Variants in TNR observed in about 807,000 individuals in gnomAD.
TNR encodes the protein tenascin-R.
In TNR, 45 loss-of-function variants were observed where a neutral mutation model predicts 150.4. The ratio of observed to expected loss-of-function variants is 0.30; its 90% CI spans 0.24 to 0.38. TNR has a LOEUF of 0.38. Ranked by LOEUF, TNR falls within the 10% of genes least tolerant of loss-of-function variation. The pLI is 1.00. For synonymous variants in TNR, 687 were observed against 678.4 expected (o/e 1.01, Z -0.20); for missense variants, 1,544 against 1,759.1 (o/e 0.88, Z 2.19).
In TNR at chr1:175,406,445, C is replaced by T. The variant is rs901093166; in HGVS notation, c.270G>A (p.Glu90=). Residue 90 remains glutamate, a synonymous_variant, in exon 3 of 23, where the codon GAG becomes GAA. Transcript: ENST00000367674. ...CCAGAGTCTCGTCTTCTGCACTCAC[C>T]TCCTGCTCAGCAGAGGCCTCTAGCC... is the stretch of plus-strand genomic sequence containing the variant. ...SSGLEASAEQ[E]VSAEDETLAE... The T allele has an allele frequency of 1.2e-6, 2 of 1,614,182 alleles. No individual in the cohort carries two copies. Among genetic ancestry groups the T allele is most frequent in the Non-Finnish European group, 1.7e-6 (2 of 1,180,038 alleles).
At chr1:175,576,974 C>G (rs1056612438) in intron 1 of TNR, among the ~76,000 whole-genome samples, 6 of 152,284 alleles carry the variant, frequency 3.9e-5, no homozygotes, top group Non-Finnish European at 2.9e-5. Context: ...ATATAAAGAC[C>G]CTGGTAATTA....
At chr1:175,528,199 AT>A (rs1659925396) in intron 2 of TNR, 69 bp downstream of exon 2, 2 of 152,238 alleles carry the variant, frequency 1.3e-5, no homozygotes, top group South Asian at 4.1e-4. Context: ...CCCTGGGAAT[AT>A]GCAGTTACAT....
At chr1:175,481,807 T>C (rs1657820819) in intron 2 of TNR, among the ~76,000 whole-genome samples, 1 of 152,172 alleles carries the variant, frequency 6.6e-6, no homozygotes, top group Non-Finnish European at 1.5e-5. Context: ...AACTTGGGAA[T>C]CTAGATTGAC....
intron 2 of TNR, among the ~76,000 whole-genome samples, chr1:175,452,983 G>C (rs1656393285): frequency 6.6e-6 from 1 of 152,072 alleles, no homozygotes; most frequent in Non-Finnish European, 1.5e-5. Context: ...ACCGTGTAAT[G>C]GATGCAGAGA....
chr1:175,451,127 T>C (rs4652091), intron 2 of TNR, among the ~76,000 whole-genome samples: 37,384 of 151,580 alleles, frequency 0.25, 4,847 homozygotes, highest in East Asian at 0.47. Flanking sequence ...CCTGATAATC[T>C]GGCCCAATTG....
chr1:175,434,116 G>A (rs1033766376), intron 2 of TNR, among the ~76,000 whole-genome samples: 13 of 152,164 alleles, frequency 8.5e-5, no homozygotes, highest in African/African-American at 3.1e-4. Flanking sequence ...TCTGGATGCG[G>A]CCAGATTGCA....
intron 2 of TNR, among the ~76,000 whole-genome samples, chr1:175,519,901 T>C (rs1006318098): frequency 1.3e-5 from 2 of 152,196 alleles, no homozygotes; most frequent in African/African-American, 4.8e-5. Flanking sequence ...GGATAAATCA[T>C]TCAGGGTAGT....
At chr1:175,703,521 G>C (rs1666760101) in intron 1 of TNR, among the ~76,000 whole-genome samples, 1 of 152,082 alleles carries the variant, frequency 6.6e-6, no homozygotes, top group Non-Finnish European at 1.5e-5. Context: ...TTACAGCTAG[G>C]GTAGGGCCTA....
intron 1 of TNR, among the ~76,000 whole-genome samples, chr1:175,648,685 T>C (rs1664872113): frequency 6.6e-6 from 1 of 152,174 alleles, no homozygotes; most frequent in Non-Finnish European, 1.5e-5. Flanking sequence ...AAACTCAGTC[T>C]TCTCCCATAG....
chr1:175,419,522 G>C (rs965276273), intron 2 of TNR, among the ~76,000 whole-genome samples: 1 of 152,032 alleles, frequency 6.6e-6, no homozygotes, highest in African/African-American at 2.4e-5. Context: ...ACTTGTGCAT[G>C]GTGTCCAATT....
chr1:175,326,252 G>A (rs1475840076), intron 21 of TNR, among the ~76,000 whole-genome samples: 3 of 152,150 alleles, frequency 2.0e-5, no homozygotes, highest in African/African-American at 7.2e-5. Flanking sequence ...CTTTTAGCAG[G>A]ATCAGGATTT....
rs906581369 is a variant in TNR, at chr1:175,355,778, A to G, written c.3119-145T>C. ...CCTGCTCTGGCTTGGAAAGGAGCATAAAGGGTGCTCCTGGGTCAGATGATA... is the reference window on the plus strand; with the variant it reads ...CCTGCTCTGGCTTGGAAAGGAGCATGAAGGGTGCTCCTGGGTCAGATGATA... On this transcript the variant is annotated intron_variant, in intron 16 of 22. Transcript: ENST00000367674. 5 of 1,113,980 alleles carry G rather than the reference A, an allele frequency of 4.5e-6. No individual in the cohort carries two copies. The African/African-American group carries it at 7.9e-5, about 18-fold the overall frequency. The allele number at this position is 1,113,980 out of a possible 1,614,324, so 69.0% of individuals were successfully genotyped here. A position where few individuals can be genotyped will look rare whatever the true frequency, so the allele number is the denominator to read the frequency against.
intron 1 of TNR, among the ~76,000 whole-genome samples, chr1:175,630,252 G>C (rs181239873): frequency 1.3e-5 from 2 of 152,310 alleles, no homozygotes; most frequent in Admixed American, 1.3e-4. Flanking sequence ...TTAGAGAGAA[G>C]AGCCTTTACT....
At chr1:175,476,180 T>C (rs1275351505) in intron 2 of TNR, among the ~76,000 whole-genome samples, 1 of 152,144 alleles carries the variant, frequency 6.6e-6, no homozygotes, top group Non-Finnish European at 1.5e-5. Context: ...TCAGTGACCA[T>C]TTAACTGTCT....
chr1:175,572,536 A>C (rs1398438660), intron 1 of TNR, among the ~76,000 whole-genome samples: 1 of 152,130 alleles, frequency 6.6e-6, no homozygotes, highest in Non-Finnish European at 1.5e-5. Flanking sequence ...TGCGGGTCAC[A>C]TCAATCAGTC....
At chr1:175,646,000 T>C (rs1001940788) in intron 1 of TNR, among the ~76,000 whole-genome samples, 1 of 152,236 alleles carries the variant, frequency 6.6e-6, no homozygotes, top group East Asian at 1.9e-4. Flanking sequence ...AGAAAGGATT[T>C]AGACAAAGAT....
intron 18 of TNR, among the ~76,000 whole-genome samples, chr1:175,350,319 AGTG>A (rs1650996366): frequency 6.6e-6 from 1 of 152,238 alleles, no homozygotes; most frequent in Non-Finnish European, 1.5e-5. Context: ...CCTATTTTAT[AGTG>A]CTCACTGTCT....
chr1:175,483,051 C>G (rs1266240839), intron 2 of TNR, among the ~76,000 whole-genome samples: 1 of 152,214 alleles, frequency 6.6e-6, no homozygotes, highest in African/African-American at 2.4e-5. Context: ...TCACTGGGGA[C>G]TCATTTCAAG....
chr1:175,572,509 G>A (rs1661918862), intron 1 of TNR, among the ~76,000 whole-genome samples: 1 of 152,104 alleles, frequency 6.6e-6, no homozygotes, highest in East Asian at 1.9e-4. Context: ...GTACAGGAGA[G>A]GGAGAAGCAC....
Sources: allele counts gnomAD v4.1 joint callset (sites outside exome capture counted in the v4.1 genomes callset), GRCh38; gene constraint gnomAD v4.1.1; transcripts MANE v1.5; gene names NCBI Gene and HGNC (gene_info 2026-07-23, HGNC 2026-07-21).